Variants in TMTC1 observed in about 807,000 individuals in gnomAD.
The protein encoded by TMTC1 is protein O-mannosyl-transferase TMTC1.
A neutral mutation model predicts 104.8 loss-of-function variants in TMTC1; 73 were observed. The ratio of observed to expected loss-of-function variants is 0.70; its 90% CI spans 0.58 to 0.85. The LOEUF (loss-of-function observed/expected upper bound fraction) is 0.85, where lower values mean the gene tolerates loss of function less well. Ranked by LOEUF, TMTC1 falls within the 40% of genes least tolerant of loss-of-function variation. The pLI, the probability that TMTC1 is intolerant of heterozygous loss-of-function variation, is 0.00. For missense variants in TMTC1, 1,035 were observed against 1,096.1 expected (o/e 0.94, Z 0.79); for synonymous variants, 434 against 428.7 (o/e 1.01, Z -0.15).
intron 5 of TMTC1, among the ~76,000 whole-genome samples, chr12:29,737,576 G>A (rs1042842846): frequency 5.9e-5 from 9 of 152,248 alleles, no homozygotes; most frequent in Middle Eastern, 3.4e-3. Context: ...CAGGGAAAAG[G>A]GGAAACAGAT....
intron 6 of TMTC1, 141 bp from the exon 7 acceptor site, chr12:29,604,440 G>T: frequency 1.8e-6 from 2 of 1,140,256 alleles, no homozygotes; most frequent in African/African-American, 1.6e-5. Context: ...CCGGCGTGCT[G>T]AATTTAACAG....
At chr12:29,721,644 G>A (rs1378239905) in intron 5 of TMTC1, among the ~76,000 whole-genome samples, 1 of 151,922 alleles carries the variant, frequency 6.6e-6, no homozygotes, top group Non-Finnish European at 1.5e-5. Flanking sequence ...AGATCAAAAA[G>A]ATCAATAACA....
rs565508623 is a variant in TMTC1 at position 29,670,904 on chromosome 12, C to T, written c.939-37568G>A. Among the ~76,000 whole-genome samples, 4 of 135,964 alleles carry T rather than the reference C, an allele frequency of 2.9e-5. No homozygotes were observed. The East Asian group carries it at 6.3e-4, about 21-fold the overall frequency. 89.2% of individuals were successfully genotyped at this position (135,964 alleles called of 152,430 possible). On this transcript the variant is annotated intron_variant, in intron 5 of 17. Coordinates refer to ENST00000539277, the MANE Select transcript of TMTC1 (RefSeq NM_001193451.2). Reference sequence around the variant, plus strand: ...TAGCTGAGATCGTGCCACTGCATTCCAGCCTGGGCCACAGCACGAGACTCT... The same window carrying T: ...TAGCTGAGATCGTGCCACTGCATTCTAGCCTGGGCCACAGCACGAGACTCT...
At chr12:29,641,806 C>A (rs1938868569) in intron 5 of TMTC1, among the ~76,000 whole-genome samples, 1 of 151,982 alleles carries the variant, frequency 6.6e-6, no homozygotes, top group Non-Finnish European at 1.5e-5. Flanking sequence ...AGGGAGGGAC[C>A]AGAGAAAGGC....
chr12:29,573,878 A>G (rs1296981696), intron 8 of TMTC1, among the ~76,000 whole-genome samples: 2 of 152,062 alleles, frequency 1.3e-5, no homozygotes, highest in Non-Finnish European at 2.9e-5. Flanking sequence ...TCTCCAACAG[A>G]AAAGTGAGGG....
chr12:29,529,626 C>T (rs139804374), intron 11 of TMTC1, among the ~76,000 whole-genome samples: 1 of 152,294 alleles, frequency 6.6e-6, no homozygotes, highest in Admixed American at 6.5e-5. Context: ...CTATTCAAGA[C>T]ACAGCAGCCC....
At chr12:29,636,304 T>C (rs1938545661) in intron 5 of TMTC1, among the ~76,000 whole-genome samples, 1 of 152,338 alleles carries the variant, frequency 6.6e-6, no homozygotes, top group East Asian at 1.9e-4. Context: ...AGAATTGCAA[T>C]AGTAACACTT....
intron 11 of TMTC1, chr12:29,534,680 G>A (rs1388972071): frequency 2.0e-5 from 3 of 152,176 alleles, no homozygotes; most frequent in East Asian, 3.8e-4. Flanking sequence ...AAGGCTGAAT[G>A]CAAAGATACT....
intron 5 of TMTC1, among the ~76,000 whole-genome samples, chr12:29,664,951 C>T (rs1940217115): frequency 6.6e-6 from 1 of 152,304 alleles, no homozygotes; most frequent in African/African-American, 2.4e-5. Flanking sequence ...GTCCAGGGTT[C>T]TATTCCTCTG....
chr12:29,734,649 T>G (rs1289549940), intron 5 of TMTC1, among the ~76,000 whole-genome samples: 2 of 152,208 alleles, frequency 1.3e-5, no homozygotes, highest in African/African-American at 4.8e-5. Context: ...ACATTTCTCA[T>G]GCCTTTCCTA....
At chr12:29,726,096 C>G (rs762660320) in intron 5 of TMTC1, among the ~76,000 whole-genome samples, 1 of 152,128 alleles carries the variant, frequency 6.6e-6, no homozygotes, top group Non-Finnish European at 1.5e-5. Flanking sequence ...AAACATACAC[C>G]GTGTTCTGGT....
At chr12:29,651,339 A>C (rs1348659794) in intron 5 of TMTC1, among the ~76,000 whole-genome samples, 1 of 152,212 alleles carries the variant, frequency 6.6e-6, no homozygotes, top group African/African-American at 2.4e-5. Context: ...GTGGTGGGTC[A>C]GGGAAAACAA....
intron 5 of TMTC1, chr12:29,666,213 CTTTTT>C (rs1940272174): frequency 5.0e-5 from 21 of 420,322 alleles, no homozygotes; most frequent in South Asian, 3.5e-4. Flanking sequence ...TCTTTTCTTT[CTTTTT>C]TTCTTTTTTC....
chr12:29,532,968 T>A (rs1944546892), intron 11 of TMTC1: 1 of 152,194 alleles, frequency 6.6e-6, no homozygotes, highest in Non-Finnish European at 1.5e-5. Context: ...TGGAAATCTT[T>A]CTTTTTCCAC....
intron 5 of TMTC1, among the ~76,000 whole-genome samples, chr12:29,690,131 C>CA (rs1295342785): frequency 1.3e-5 from 2 of 152,132 alleles, no homozygotes. Flanking sequence ...CTACATCACA[C>CA]AAAAAAACTG....
chr12:29,778,020 A>G (rs1451020872), intron 1 of TMTC1, among the ~76,000 whole-genome samples: 2 of 152,208 alleles, frequency 1.3e-5, no homozygotes, highest in African/African-American at 2.4e-5. Context: ...AAAGATGCAA[A>G]CTACTGCAAA....
At chr12:29,727,991 T>C (rs554576873) in intron 5 of TMTC1, among the ~76,000 whole-genome samples, 2 of 152,294 alleles carry the variant, frequency 1.3e-5, no homozygotes, top group East Asian at 1.9e-4. Context: ...AAGCAACGAC[T>C]GGCCACACAA....
intron 5 of TMTC1, among the ~76,000 whole-genome samples, chr12:29,668,020 T>C (rs1565753958): frequency 6.6e-6 from 1 of 152,212 alleles, no homozygotes; most frequent in Non-Finnish European, 1.5e-5. Flanking sequence ...AAGCATTCAC[T>C]ACTCTGTACA....
intron 5 of TMTC1, among the ~76,000 whole-genome samples, chr12:29,741,813 T>C (rs1385197403): frequency 6.6e-6 from 1 of 152,192 alleles, no homozygotes; most frequent in Admixed American, 6.5e-5. Flanking sequence ...CTTAGAAAAG[T>C]CTGGAGATCG....
Sources: allele counts gnomAD v4.1 joint callset (sites outside exome capture counted in the v4.1 genomes callset), GRCh38; gene constraint gnomAD v4.1.1; transcripts MANE v1.5; gene names NCBI Gene and HGNC (gene_info 2026-07-23, HGNC 2026-07-21).